NPAS3: variants seen among roughly 807,000 people sequenced by gnomAD.
NPAS3 encodes the protein neuronal PAS domain-containing protein 3.
Under a neutral mutation model 73.1 loss-of-function variants are expected in NPAS3, and 14 were observed. That is an observed-to-expected ratio of 0.19 (90% CI 0.13 to 0.30). NPAS3 has a LOEUF of 0.30. NPAS3 is among the 10% of genes least tolerant of loss of function. NPAS3 has a pLI of 1.00. For missense variants in NPAS3, 1,096 were observed against 1,250.0 expected, an observed-to-expected ratio of 0.88 and a Z score of 1.86; for synonymous variants, 620 against 541.5, an observed-to-expected ratio of 1.14 and a Z score of -2.01.
intron 4 of NPAS3, among the ~76,000 whole-genome samples, chr14:33,500,835 G>A (rs1444631638): frequency 2.0e-5 from 3 of 151,902 alleles, no homozygotes; most frequent in Non-Finnish European, 4.4e-5. Flanking sequence ...AAATGTCACC[G>A]ATGAAAAGAG....
At chr14:33,490,510 G>A (rs899478746) in intron 4 of NPAS3, among the ~76,000 whole-genome samples, 3 of 152,008 alleles carry the variant, frequency 2.0e-5, no homozygotes, top group Admixed American at 6.6e-5. Context: ...CTAGAACCTC[G>A]AGCTTGTTCA....
At chr14:33,346,527 C>CA (rs33926266) in intron 3 of NPAS3, among the ~76,000 whole-genome samples, 35,808 of 70,674 alleles carry the variant, frequency 0.51, 8,261 homozygotes, top group African/African-American at 0.62. Context: ...GACCCTGTCT[C>CA]AAAAAAAAAA....
intron 4 of NPAS3, among the ~76,000 whole-genome samples, chr14:33,409,285 G>A (rs1024339216): frequency 6.6e-6 from 1 of 152,116 alleles, no homozygotes; most frequent in Non-Finnish European, 1.5e-5. Context: ...GAAAATCTTA[G>A]TGCCTATAAT....
chr14:33,506,686 C>T (rs2052779547), intron 4 of NPAS3, among the ~76,000 whole-genome samples: 1 of 152,052 alleles, frequency 6.6e-6, no homozygotes, highest in South Asian at 2.1e-4. Flanking sequence ...GGCTATGATC[C>T]AGTTAACTCT....
At chr14:33,179,088 T>TC (rs1037699352) in intron 2 of NPAS3, among the ~76,000 whole-genome samples, 18 of 152,200 alleles carry the variant, frequency 1.2e-4, no homozygotes, top group African/African-American at 3.4e-4. Flanking sequence ...GTGTTTTTTT[T>TC]CCCTTTGCTC....
Position 33,114,064 on chromosome 14 carries a change from CTTGCTCTA to C in NPAS3, c.140+58074_140+58081del, listed in dbSNP as rs1329962948. 3.3e-5 allele frequency among the ~76,000 whole-genome samples: 5 copies of C among 152,156 alleles called. No homozygotes were observed. The East Asian group carries it at 9.7e-4, about 29-fold the overall frequency. Reference sequence around the variant, plus strand: ...TTTCTTTTTTTAATTGAGACAGAGTCTTGCTCTATTGGCCGGGCTGGAGTGCAGTGGCA... The same window carrying C: ...TTTCTTTTTTTAATTGAGACAGAGTCTTGGCCGGGCTGGAGTGCAGTGGCA... On this transcript the variant is annotated intron_variant, in intron 2 of 11. Coordinates refer to ENST00000356141, the Ensembl canonical transcript of NPAS3.
intron 2 of NPAS3, among the ~76,000 whole-genome samples, chr14:33,153,929 C>G (rs767342229): frequency 6.6e-6 from 1 of 152,120 alleles, no homozygotes; most frequent in African/African-American, 2.4e-5. Context: ...ATCTCTTCCC[C>G]TGTTTTCCCA....
intron 1 of NPAS3, among the ~76,000 whole-genome samples, chr14:33,001,903 T>A (rs1239605065): frequency 6.6e-6 from 1 of 152,182 alleles, no homozygotes; most frequent in African/African-American, 2.4e-5. Flanking sequence ...TAGCCTCACC[T>A]CCTTCCTACC....
chr14:33,038,493 A>G (rs2040242245), intron 1 of NPAS3, among the ~76,000 whole-genome samples: 1 of 151,840 alleles, frequency 6.6e-6, no homozygotes, highest in South Asian at 2.1e-4. Context: ...ATGTTAAAGT[A>G]TCTGTCTATT....
chr14:33,245,751 T>C (rs766227821), intron 3 of NPAS3, among the ~76,000 whole-genome samples: 1 of 152,164 alleles, frequency 6.6e-6, no homozygotes, highest in Non-Finnish European at 1.5e-5. Context: ...TTTACTCTAA[T>C]ACATGTTTGG....
At chr14:33,302,346 A>G (rs895787578) in intron 3 of NPAS3, among the ~76,000 whole-genome samples, 3 of 152,214 alleles carry the variant, frequency 2.0e-5, no homozygotes, top group Admixed American at 6.5e-5. Context: ...AAGAGTGATG[A>G]CATACCTAGT....
chr14:33,161,420 A>G (rs1019912500), intron 2 of NPAS3, among the ~76,000 whole-genome samples: 10 of 152,232 alleles, frequency 6.6e-5, no homozygotes, highest in African/African-American at 2.4e-4. Flanking sequence ...AGTTAGTGAA[A>G]AGAAGTTAAA....
chr14:33,040,588 A>C (rs549660487), intron 1 of NPAS3, among the ~76,000 whole-genome samples: 6 of 152,294 alleles, frequency 3.9e-5, no homozygotes, highest in African/African-American at 1.4e-4. Context: ...ACAGATCTAC[A>C]TACCAGGAGG....
At chr14:33,129,498 A>G (rs1254985603) in intron 2 of NPAS3, among the ~76,000 whole-genome samples, 1 of 152,110 alleles carries the variant, frequency 6.6e-6, no homozygotes, top group Non-Finnish European at 1.5e-5. Flanking sequence ...TTTTATACTC[A>G]CTGAAACATT....
chr14:33,406,503 CA>C (rs1202094337), intron 4 of NPAS3, among the ~76,000 whole-genome samples: 3 of 152,220 alleles, frequency 2.0e-5, no homozygotes, highest in East Asian at 1.9e-4. Flanking sequence ...ATCTGTCTCT[CA>C]GGGGCATCTA....
chr14:33,569,398 T>A (rs1165695967), intron 5 of NPAS3, among the ~76,000 whole-genome samples: 1 of 152,178 alleles, frequency 6.6e-6, no homozygotes, highest in Non-Finnish European at 1.5e-5. Context: ...CACAGATACC[T>A]GTGGGCCATG....
At chr14:33,083,378 A>C (rs931784358) in intron 2 of NPAS3, among the ~76,000 whole-genome samples, 1 of 152,090 alleles carries the variant, frequency 6.6e-6, no homozygotes, top group Admixed American at 6.6e-5. Flanking sequence ...CTATATTGGC[A>C]ACTAAGAAAG....
chr14:33,225,969 T>C (rs536517903), intron 3 of NPAS3, among the ~76,000 whole-genome samples: 1 of 152,344 alleles, frequency 6.6e-6, no homozygotes, highest in African/African-American at 2.4e-5. Flanking sequence ...TGCTAATGTA[T>C]GTACATAAGT....
At chr14:33,071,314 A>G (rs1317696993) in intron 2 of NPAS3, among the ~76,000 whole-genome samples, 1 of 152,240 alleles carries the variant, frequency 6.6e-6, no homozygotes, top group East Asian at 1.9e-4. Context: ...TAACACTTAC[A>G]TGGTCATAAA....
Sources: allele counts gnomAD v4.1 joint callset (sites outside exome capture counted in the v4.1 genomes callset), GRCh38; gene constraint gnomAD v4.1.1; transcripts MANE v1.5; gene names NCBI Gene and HGNC (gene_info 2026-07-23, HGNC 2026-07-21).